The following IGSF11 variants were observed in gnomAD, a reference collection of about 807,000 sequenced individuals.
IGSF11 encodes CXADR like 1.
In IGSF11, 22 loss-of-function variants were observed where a neutral mutation model predicts 41.0. The ratio of observed to expected loss-of-function variants is 0.54; its 90% confidence interval spans 0.38 to 0.77. The LOEUF is 0.77. Ranked by LOEUF, IGSF11 falls within the 30% of genes least tolerant of loss-of-function variation. The pLI, the probability that IGSF11 is intolerant of heterozygous loss-of-function variation, is 0.00. For synonymous variants in IGSF11, 219 were observed against 201.3 expected, an observed-to-expected ratio of 1.09 and a Z score of -0.74; for missense variants, 444 against 530.8, an observed-to-expected ratio of 0.84 and a Z score of 1.61.
chr3:119,058,033 T>G (rs1354819354), intron 1 of IGSF11, among the ~76,000 whole-genome samples: 1 of 152,208 alleles, frequency 6.6e-6, no homozygotes, highest in Non-Finnish European at 1.5e-5. Flanking sequence ...GAAGAAAACC[T>G]AGGCAATACC....
intron 6 of IGSF11, 62 bp from the exon 7 acceptor site, chr3:118,903,023 C>G (rs1350577638): frequency 3.4e-6 from 5 of 1,456,410 alleles, no homozygotes; most frequent in Non-Finnish European, 4.7e-6. Flanking sequence ...ATCCTCCTAC[C>G]CTGGAATCTT....
intron 1 of IGSF11, among the ~76,000 whole-genome samples, chr3:118,963,254 T>A (rs1040075874): frequency 1.1e-4 from 17 of 152,192 alleles, no homozygotes; most frequent in Admixed American, 1.1e-3. Flanking sequence ...TTCTTAGGCA[T>A]GCTAAAATTT....
rs145369200 is a variant in IGSF11 at position 118,980,380 on chromosome 3, A to G, written c.53-50105T>C. On this transcript the variant is annotated intron_variant, in intron 1 of 6. Transcript: ENST00000393775. The stretch of plus-strand genomic sequence containing the variant: ...AATCATGTCATTTGTCACAACACAG[A>G]TGGAACTGTAAGTCATTATGTTAAG... 4.1e-3 allele frequency among the ~76,000 whole-genome samples: 622 copies of G among 152,318 alleles called. 11 individuals are homozygous for G. Among genetic ancestry groups the G allele is most frequent in the African/African-American group, 0.014 (592 of 41,584 alleles).
intron 1 of IGSF11, among the ~76,000 whole-genome samples, chr3:118,982,370 A>G (rs1250250850): frequency 6.6e-6 from 1 of 152,138 alleles, no homozygotes; most frequent in Non-Finnish European, 1.5e-5. Flanking sequence ...CTTAATTGGA[A>G]CTCTTACGTT....
chr3:118,950,573 C>A (rs975662733), intron 1 of IGSF11, among the ~76,000 whole-genome samples: 1 of 151,878 alleles, frequency 6.6e-6, no homozygotes, highest in Non-Finnish European at 1.5e-5. Context: ...CATATATATA[C>A]CCCAACTCAA....
At chr3:119,059,251 T>C (rs974304902) in intron 1 of IGSF11, among the ~76,000 whole-genome samples, 2 of 151,384 alleles carry the variant, frequency 1.3e-5, no homozygotes, top group African/African-American at 4.9e-5. Context: ...AATGAAATAA[T>C]GGCATTCACA....
intron 1 of IGSF11, among the ~76,000 whole-genome samples, chr3:119,138,203 C>T (rs2107546807): frequency 6.6e-6 from 1 of 151,084 alleles, no homozygotes; most frequent in African/African-American, 2.4e-5. Flanking sequence ...ATATGATCCA[C>T]AATCCCACTG....
At chr3:118,911,320 C>G (rs534441677) in intron 4 of IGSF11, among the ~76,000 whole-genome samples, 11 of 152,188 alleles carry the variant, frequency 7.2e-5, no homozygotes, top group African/African-American at 2.6e-4. Flanking sequence ...GAAATAAGCA[C>G]TTGTTTATTC....
chr3:119,107,886 T>C (rs2077063100), upstream of IGSF11, among the ~76,000 whole-genome samples: 1 of 147,778 alleles, frequency 6.8e-6, no homozygotes, highest in South Asian at 2.2e-4. Context: ...TTGTCAAAGA[T>C]CAGATAGTTG....
intron 1 of IGSF11, among the ~76,000 whole-genome samples, chr3:119,133,641 A>G (rs1185856435): frequency 6.6e-6 from 1 of 152,212 alleles, no homozygotes; most frequent in African/African-American, 2.4e-5. Context: ...TAAAAGAGGT[A>G]CAAAGAGGAG....
intron 1 of IGSF11, among the ~76,000 whole-genome samples, chr3:119,138,397 G>T (rs932696556): frequency 2.6e-5 from 4 of 152,104 alleles, no homozygotes; most frequent in African/African-American, 9.7e-5. Flanking sequence ...CATAAAAAAC[G>T]AATGGGGCCA....
chr3:119,075,992 G>C (rs542534959), intron 1 of IGSF11, among the ~76,000 whole-genome samples: 4 of 152,020 alleles, frequency 2.6e-5, no homozygotes, highest in Admixed American at 2.6e-4. Context: ...GAGGCATCAC[G>C]CTACCTGACT....
At chr3:118,965,317 T>C (rs1470274295) in intron 1 of IGSF11, among the ~76,000 whole-genome samples, 1 of 152,092 alleles carries the variant, frequency 6.6e-6, no homozygotes, top group Non-Finnish European at 1.5e-5. Context: ...ATGCCACTCC[T>C]TAGCTAAATG....
intron 1 of IGSF11, among the ~76,000 whole-genome samples, chr3:119,064,793 T>C (rs1942171930): frequency 6.6e-6 from 1 of 152,154 alleles, no homozygotes; most frequent in African/African-American, 2.4e-5. Flanking sequence ...ATAAATAGTA[T>C]TGTTTTTCAA....
rs766277672 is a variant in IGSF11, at chr3:118,902,523, T to C, written c.1293A>G (p.Val431=). Residue 431 remains valine (V), a synonymous_variant, in exon 7 of 7, where the codon GTA becomes GTG. Transcript: ENST00000393775. Reference sequence around the variant, plus strand: ...GAACACAACATTTCCTCATGTCCTATACCAAGGACCCGGCCCGACTCTGGG... The same window carrying C: ...GAACACAACATTTCCTCATGTCCTACACCAAGGACCCGGCCCGACTCTGGG... The part of the protein sequence containing the change: ...VPAQSRAGSL[V] 4 of 1,365,492 alleles carry C rather than the reference T, an allele frequency of 2.9e-6. No homozygotes were observed. The highest frequency in any genetic ancestry group is 2.3e-5 in the South Asian group (2 of 87,868). The allele number at this position is 1,365,492 out of a possible 1,614,324, so 84.6% of individuals were successfully genotyped here. A position where few individuals can be genotyped will look rare whatever the true frequency, so the allele number is the denominator to read the frequency against.
At chr3:119,080,889 T>C (rs1405037887) in intron 1 of IGSF11, among the ~76,000 whole-genome samples, 1 of 152,038 alleles carries the variant, frequency 6.6e-6, no homozygotes, top group East Asian at 1.9e-4. Context: ...TCCCCACAAA[T>C]CAAAAAATCT....
chr3:118,964,433 C>T (rs1479685042), intron 1 of IGSF11, among the ~76,000 whole-genome samples: 2 of 152,058 alleles, frequency 1.3e-5, no homozygotes, highest in African/African-American at 4.8e-5. Flanking sequence ...GACTTCCCAC[C>T]AGTATGTCAC....
chr3:118,958,964 C>A (rs747673339), intron 1 of IGSF11, among the ~76,000 whole-genome samples: 2 of 152,152 alleles, frequency 1.3e-5, no homozygotes, highest in Admixed American at 6.5e-5. Context: ...ATTCCAAGTG[C>A]AGACTCCCCC....
chr3:118,929,874 C>G (rs925342273), intron 2 of IGSF11, among the ~76,000 whole-genome samples: 1 of 152,208 alleles, frequency 6.6e-6, no homozygotes, highest in Non-Finnish European at 1.5e-5. Context: ...GATAAAATTA[C>G]AGGTTCCTAC....
Sources: allele counts gnomAD v4.1 joint callset (sites outside exome capture counted in the v4.1 genomes callset), GRCh38; gene constraint gnomAD v4.1.1; transcripts MANE v1.5; gene names NCBI Gene and HGNC (gene_info 2026-07-23, HGNC 2026-07-21).